Variants in SENP7 observed in about 807,000 individuals in gnomAD.
SENP7 encodes the protein SUMO specific peptidase 7.
Under a neutral mutation model 141.2 loss-of-function variants are expected in SENP7, and 64 were observed. The observed-to-expected ratio is 0.45, with a 90% CI of 0.37 to 0.56. The LOEUF (loss-of-function observed/expected upper bound fraction) is 0.56. Among genes scored for constraint, SENP7 ranks in the 20% least tolerant of loss-of-function variants. The pLI is 0.00. For missense variants in SENP7, 1,025 were observed against 1,212.2 expected, an observed-to-expected ratio of 0.85 and a Z score of 2.29; for synonymous variants, 382 against 426.4, an observed-to-expected ratio of 0.90 and a Z score of 1.28.
intron 12 of SENP7, among the ~76,000 whole-genome samples, chr3:101,349,394 G>A (rs149064374): frequency 3.9e-5 from 6 of 152,240 alleles, no homozygotes; most frequent in East Asian, 1.9e-4. Flanking sequence ...TTGGTGTTTA[G>A]AATGAAAGCT....
intron 3 of SENP7, among the ~76,000 whole-genome samples, chr3:101,468,491 C>A (rs2063848424): frequency 6.6e-6 from 1 of 152,190 alleles, no homozygotes; most frequent in South Asian, 2.1e-4. Flanking sequence ...GGAAGCCCAT[C>A]AAACTAATGG....
chr3:101,499,124 G>T (rs886140714), intron 2 of SENP7, among the ~76,000 whole-genome samples: 2 of 152,212 alleles, frequency 1.3e-5, no homozygotes, highest in African/African-American at 4.8e-5. Flanking sequence ...TAACTTTTCT[G>T]TAAGTCTCAA....
intron 4 of SENP7, among the ~76,000 whole-genome samples, chr3:101,430,902 A>C (rs1466245252): frequency 6.6e-6 from 1 of 152,010 alleles, no homozygotes; most frequent in African/African-American, 2.4e-5. Context: ...ATTGGTTTTA[A>C]AGAACATCTT....
At chr3:101,373,679 A>C (rs2060240818) in intron 6 of SENP7, among the ~76,000 whole-genome samples, 1 of 152,212 alleles carries the variant, frequency 6.6e-6, no homozygotes, top group African/African-American at 2.4e-5. Context: ...TTGGCATGAA[A>C]CCAAAAATAA....
At chr3:101,418,161 T>A (rs1470897481) in intron 4 of SENP7, among the ~76,000 whole-genome samples, 4 of 152,188 alleles carry the variant, frequency 2.6e-5, no homozygotes, top group Non-Finnish European at 5.9e-5. Context: ...GTTTTTGTTT[T>A]AGCATTTGTT....
chr3:101,326,283 G>T (rs1370007288), intron 23 of SENP7, among the ~76,000 whole-genome samples: 2 of 151,732 alleles, frequency 1.3e-5, no homozygotes, highest in Non-Finnish European at 2.9e-5. Flanking sequence ...ATCTGGAAAG[G>T]GTATGAGAGG....
At chr3:101,441,857 A>ACAGT (rs2062687937) in intron 4 of SENP7, among the ~76,000 whole-genome samples, 1 of 152,214 alleles carries the variant, frequency 6.6e-6, no homozygotes, top group Non-Finnish European at 1.5e-5. Flanking sequence ...CCACAGATTC[A>ACAGT]CTTCCTGCTG....
intron 19 of SENP7, among the ~76,000 whole-genome samples, chr3:101,330,987 A>G (rs895384745): frequency 1.3e-5 from 2 of 152,216 alleles, no homozygotes; most frequent in African/African-American, 4.8e-5. Context: ...AAGAATTATA[A>G]GAGATCCTAT....
chr3:101,449,245 T>C (rs543698515), intron 4 of SENP7, among the ~76,000 whole-genome samples: 10 of 152,260 alleles, frequency 6.6e-5, no homozygotes, highest in Non-Finnish European at 1.0e-4. Flanking sequence ...CTACGTCTGA[T>C]TGGTGTACCT....
chr3:101,383,691 C>A (rs897063864), intron 6 of SENP7, among the ~76,000 whole-genome samples: 1 of 152,222 alleles, frequency 6.6e-6, no homozygotes, highest in Non-Finnish European at 1.5e-5. Context: ...GCCACCTCAG[C>A]CCCCTCTGGA....
intron 14 of SENP7, among the ~76,000 whole-genome samples, chr3:101,342,303 G>A (rs2059347397): frequency 6.6e-6 from 1 of 152,158 alleles, no homozygotes; most frequent in South Asian, 2.1e-4. Flanking sequence ...ATGTGCACAG[G>A]TGTATATATG....
At chr3:101,462,485 G>A (rs2063579411) in intron 3 of SENP7, among the ~76,000 whole-genome samples, 1 of 151,312 alleles carries the variant, frequency 6.6e-6, no homozygotes, top group Non-Finnish European at 1.5e-5. Context: ...AGGCTGGGGT[G>A]AGCCGAGATC....
intron 3 of SENP7, among the ~76,000 whole-genome samples, chr3:101,463,610 A>T (rs1302929257): frequency 3.3e-5 from 5 of 151,430 alleles, no homozygotes. Flanking sequence ...ACTCAAAGTA[A>T]TACCAAACCT....
intron 1 of SENP7, among the ~76,000 whole-genome samples, chr3:101,502,102 A>T (rs1380906535): frequency 2.0e-5 from 3 of 152,244 alleles, no homozygotes; most frequent in Admixed American, 2.0e-4. Flanking sequence ...AGTAGTCCTA[A>T]CCACAAATGA....
rs558393421 is a variant in SENP7, at chr3:101,483,214, C to T, written c.186+10659G>A. ...AACCTAGGTGCCCATCAGTGGTGGA[C>T]TGGATTAAAAAAAAGTGGTACATAC... On this transcript the variant is annotated intron_variant, in intron 3 of 23. Transcript: ENST00000394095. Among the ~76,000 whole-genome samples, 3 of 152,020 alleles carry T rather than the reference C, an allele frequency of 2.0e-5. No individual in the cohort carries two copies. In the South Asian group the frequency reaches 6.2e-4, roughly 32 times the overall value.
Position 101,351,654 on chromosome 3 carries a change from G to T in SENP7, c.1624-3C>A. 7.4e-7 allele frequency: 1 copy of T among 1,342,620 alleles called. No individual in the cohort carries two copies. The highest frequency in any genetic ancestry group is 2.1e-5 in the South Asian group (1 of 48,684). The allele number at this position is 1,342,620 out of a possible 1,614,324, so 83.2% of individuals were successfully genotyped here. On this transcript the variant is annotated splice_polypyrimidine_tract_variant and splice_region_variant and intron_variant, in intron 11 of 23. Transcript: ENST00000394095. ...ATCTTAATATATTTTTTTGTGATCT[G>T]AAGAAAAAATTAAAAAGCAAACAAT...
intron 6 of SENP7, among the ~76,000 whole-genome samples, chr3:101,397,304 T>C (rs775012129): frequency 6.6e-6 from 1 of 152,110 alleles, no homozygotes; most frequent in Non-Finnish European, 1.5e-5. Flanking sequence ...GCTCATTTTT[T>C]TCATTTTTAG....
intron 15 of SENP7, chr3:101,340,449 T>G: frequency 2.3e-6 from 1 of 443,916 alleles, no homozygotes; most frequent in Non-Finnish European, 3.9e-6. Context: ...GGGCTAGTCT[T>G]AATAGGCTAC....
At chr3:101,340,287 A>G (rs912905340) in intron 15 of SENP7, 76 bp from the exon 16 acceptor site, 4 of 1,465,862 alleles carry the variant, frequency 2.7e-6, no homozygotes, top group Non-Finnish European at 3.6e-6. Context: ...ATATGAAACA[A>G]TAACTGGGCA....
Sources: allele counts gnomAD v4.1 joint callset (sites outside exome capture counted in the v4.1 genomes callset), GRCh38; gene constraint gnomAD v4.1.1; transcripts MANE v1.5; gene names NCBI Gene and HGNC (gene_info 2026-07-23, HGNC 2026-07-21).